DLG2: variants seen among roughly 807,000 people sequenced by gnomAD.
DLG2 encodes the protein disks large homolog 2.
Under a neutral mutation model 132.5 loss-of-function variants are expected in DLG2, and 45 were observed. That is an observed-to-expected ratio of 0.34 (90% CI 0.27 to 0.44). The LOEUF (loss-of-function observed/expected upper bound fraction) is 0.44. Ranked by LOEUF, DLG2 falls within the 20% of genes least tolerant of loss-of-function variation. The probability of loss-of-function intolerance (pLI) is 1.00; values close to 1 mark genes in which losing one functional copy is unlikely to be tolerated. For synonymous variants in DLG2, 424 were observed against 419.6 expected (o/e 1.01, Z -0.13); for missense variants, 1,045 against 1,196.9 (o/e 0.87, Z 1.87).
chr11:84,832,319 A>G (rs748977211), intron 6 of DLG2, among the ~76,000 whole-genome samples: 2 of 151,712 alleles, frequency 1.3e-5, no homozygotes, highest in Non-Finnish European at 3.0e-5. Context: ...TAGGTTCAGA[A>G]GCAACAAACC....
chr11:85,492,552 C>A (rs1445355738), intron 3 of DLG2, among the ~76,000 whole-genome samples: 4 of 152,106 alleles, frequency 2.6e-5, no homozygotes, highest in African/African-American at 9.7e-5. Flanking sequence ...TTATATTTAA[C>A]ATTTTTGTTT....
intron 7 of DLG2, among the ~76,000 whole-genome samples, chr11:84,373,266 A>AAAAAAAAAAAAAAAAAAAC (rs2098715579): frequency 2.2e-5 from 1 of 45,196 alleles, no homozygotes; most frequent in African/African-American, 6.7e-5. Context: ...AAAAAAAAAC[A>AAAAAAAAAAAAAAAAAAAC]AAACAAAAAA....
rs568645523 is a variant in DLG2, at chr11:85,024,814, C to T, written c.357+86847G>A. 3.9e-5 allele frequency among the ~76,000 whole-genome samples: 6 copies of T among 152,244 alleles called. No individual in the cohort carries two copies. The South Asian group carries it at 1.2e-3, about 32-fold the overall frequency. ...GCTTTCCTAACATATTTTCAGGTCTCTCAGTTAACATAAATTCAGGTTTCT... is the reference window on the plus strand; with the variant it reads ...GCTTTCCTAACATATTTTCAGGTCTTTCAGTTAACATAAATTCAGGTTTCT... On this transcript the variant is annotated intron_variant, in intron 6 of 27. Transcript: ENST00000376104.
chr11:85,419,763 T>C (rs572771299), intron 3 of DLG2, among the ~76,000 whole-genome samples: 1 of 152,346 alleles, frequency 6.6e-6, no homozygotes, highest in African/African-American at 2.4e-5. Context: ...GTTCTCATGC[T>C]GTGTTTTTCA....
At position 84,703,857 on chromosome 11, in the gene DLG2, G is replaced by GATATATATGTGTATATATATATATAT. The variant is rs1555174774; in HGVS notation, c.358-169127_358-169126insATATATATATATATACACATATATAT. Among the ~76,000 whole-genome samples the GATATATATGTGTATATATATATATAT allele has an allele frequency of 5.6e-4, 58 of 102,692 alleles. 1 individual carries two copies. The highest frequency in any genetic ancestry group is 2.2e-3 in the African/African-American group (54 of 24,292). The allele number at this position is 102,692 out of a possible 152,430, so 67.4% of individuals were successfully genotyped here. ...AATAATGCTAAAACTATGTAGTGAA[G>GATATATATGTGTATATATATATATAT]ATATATATATATATATATATATATA... On this transcript the variant is annotated intron_variant, in intron 6 of 27. Coordinates refer to ENST00000376104, the MANE Select transcript of DLG2 (RefSeq NM_001142699.3).
intron 19 of DLG2, among the ~76,000 whole-genome samples, chr11:83,593,460 C>G (rs2097223717): frequency 6.6e-6 from 1 of 151,328 alleles, no homozygotes. Flanking sequence ...CACATGGACA[C>G]AGGAAGGGGA....
intron 5 of DLG2, among the ~76,000 whole-genome samples, chr11:85,118,185 A>T (rs535050662): frequency 6.6e-6 from 1 of 152,172 alleles, no homozygotes; most frequent in South Asian, 2.1e-4. Flanking sequence ...TTTGTTTCTG[A>T]GGAAATCCTT....
chr11:85,181,236 G>GTA lies in DLG2; in HGVS notation c.187-26587_187-26586dup, dbSNP rs551750758. On this transcript the variant is annotated intron_variant, in intron 4 of 27. Transcript: ENST00000376104. ...TATATGTATACGTATATGTATATGT[G>GTA]TATATATATGTGTATATATGTGTAT... is the stretch of plus-strand genomic sequence containing the variant. 4.2e-3 allele frequency among the ~76,000 whole-genome samples: 631 copies of GTA among 151,034 alleles called. 3 individuals are homozygous for GTA. Among genetic ancestry groups the GTA allele is most frequent in the African/African-American group, 0.014 (583 of 41,292 alleles).
chr11:84,971,195 T>C (rs908840505), intron 6 of DLG2, among the ~76,000 whole-genome samples: 13 of 152,072 alleles, frequency 8.5e-5, no homozygotes, highest in Admixed American at 8.5e-4. Context: ...ACAATAAACA[T>C]AGCGAAAAAA....
intron 3 of DLG2, among the ~76,000 whole-genome samples, chr11:85,482,805 G>C (rs898101277): frequency 1.3e-5 from 2 of 152,088 alleles, no homozygotes; most frequent in Admixed American, 6.6e-5. Flanking sequence ...CCAGAGTCCA[G>C]ACCTGTTCCA....
At chr11:85,047,017 A>T (rs1395238635) in intron 6 of DLG2, among the ~76,000 whole-genome samples, 2 of 151,954 alleles carry the variant, frequency 1.3e-5, no homozygotes, top group African/African-American at 4.8e-5. Flanking sequence ...TCCATAGAAC[A>T]CAGTGGGAAA....
At chr11:84,192,468 C>T (rs35502448) in intron 8 of DLG2, among the ~76,000 whole-genome samples, 5,883 of 152,238 alleles carry the variant, frequency 0.039, 170 homozygotes, top group Non-Finnish European at 0.06. Context: ...CGGTGGCTCA[C>T]GCCTCTAATC....
At chr11:84,882,351 G>A (rs1363186132) in intron 6 of DLG2, among the ~76,000 whole-genome samples, 1 of 152,052 alleles carries the variant, frequency 6.6e-6, no homozygotes, top group African/African-American at 2.4e-5. Context: ...GTGAGGACAT[G>A]TTTATTTTCT....
At chr11:85,202,880 A>G (rs373346103) in intron 4 of DLG2, among the ~76,000 whole-genome samples, 58 of 151,986 alleles carry the variant, frequency 3.8e-4, no homozygotes, top group African/African-American at 1.4e-3. Context: ...ACCAAAAGCT[A>G]TGGGATATAG....
At chr11:85,575,066 A>G (rs1342926261) in intron 3 of DLG2, among the ~76,000 whole-genome samples, 1 of 151,938 alleles carries the variant, frequency 6.6e-6, no homozygotes, top group Non-Finnish European at 1.5e-5. Context: ...TCAATTCTAA[A>G]TATATAATGC....
At chr11:84,336,082 A>G (rs2098483365) in intron 7 of DLG2, among the ~76,000 whole-genome samples, 1 of 152,154 alleles carries the variant, frequency 6.6e-6, no homozygotes, top group Admixed American at 6.5e-5. Flanking sequence ...CTGATTGTGA[A>G]ATTTTGATGT....
Position 85,493,058 on chromosome 11 carries a change from C to T in DLG2, c.40+105599G>A, listed in dbSNP as rs1408506323. ...ACCATGGTTAATAATTTTCCTGAGT[C>T]ATATTGGCAGGCTAACTATAAGTAA... On this transcript the variant is annotated intron_variant, in intron 3 of 27. Coordinates refer to ENST00000376104, the MANE Select transcript of DLG2 (RefSeq NM_001142699.3). Among the ~76,000 whole-genome samples the T allele has an allele frequency of 2.0e-5, 3 of 151,868 alleles. No homozygotes were observed. In the East Asian group the frequency reaches 5.8e-4, roughly 29 times the overall value.
At chr11:84,418,764 G>T (rs1243181474) in intron 7 of DLG2, among the ~76,000 whole-genome samples, 1 of 152,006 alleles carries the variant, frequency 6.6e-6, no homozygotes, top group Admixed American at 6.6e-5. Context: ...GAATAAATAC[G>T]CTTAGGTTCC....
intron 6 of DLG2, among the ~76,000 whole-genome samples, chr11:84,735,047 T>G (rs2063649474): frequency 6.6e-6 from 1 of 152,114 alleles, no homozygotes; most frequent in African/African-American, 2.4e-5. Context: ...TGCCAGTATT[T>G]TATTCAGGAT....
Sources: gnomAD v4.1 joint callset for allele counts (sites outside exome capture counted in the v4.1 genomes callset) on GRCh38, gnomAD v4.1.1 for gene constraint, MANE v1.5 for transcripts, NCBI Gene and HGNC (gene_info 2026-07-23, HGNC 2026-07-21) for gene names.